The following VKORC1L1 variants were observed in gnomAD, a reference collection of about 807,000 sequenced individuals.
VKORC1L1 encodes vitamin K epoxide reductase complex subunit 1L1, also known as vitamin K epoxide reductase complex subunit 1-like protein 1.
VKORC1L1 carries 2 observed loss-of-function variants against 18.9 expected under a neutral mutation model. That is an observed-to-expected ratio of 0.11 (90% CI 0.04 to 0.33). The LOEUF is 0.33. Among genes scored for constraint, VKORC1L1 ranks in the 10% least tolerant of loss-of-function variants. VKORC1L1 has a pLI of 1.00. For missense variants in VKORC1L1, 123 were observed against 224.1 expected (o/e 0.55, Z 2.88); for synonymous variants, 96 against 100.0 (o/e 0.96, Z 0.24).
chr7:65,866,131 T>C, the VKORC1L1 span, among the ~76,000 whole-genome samples: 3 of 152,186 alleles, frequency 2.0e-5, no homozygotes, highest in African/African-American at 7.2e-5. Context: ...AAATTATTCC[T>C]GGGCTCCGTA....
intron 1 of VKORC1L1, among the ~76,000 whole-genome samples, chr7:65,944,927 A>C (rs1158561594): frequency 6.6e-6 from 1 of 152,062 alleles, no homozygotes; most frequent in Non-Finnish European, 1.5e-5. Flanking sequence ...AAAAAAAAAA[A>C]AAAAGCAACA....
intron 1 of VKORC1L1, among the ~76,000 whole-genome samples, chr7:65,930,545 T>C (rs903647425): frequency 6.6e-6 from 1 of 152,244 alleles, no homozygotes; most frequent in African/African-American, 2.4e-5. Flanking sequence ...GGTTGTAGTT[T>C]GGCTTCCTTG....
chr7:65,884,934 T>G (rs1363642400), intron 1 of VKORC1L1, among the ~76,000 whole-genome samples: 1 of 152,218 alleles, frequency 6.6e-6, no homozygotes, highest in Non-Finnish European at 1.5e-5. Flanking sequence ...TGGATAAATT[T>G]TAGAATTTTT....
chr7:65,903,948 A>G (rs1412564583), intron 1 of VKORC1L1, among the ~76,000 whole-genome samples: 1 of 152,092 alleles, frequency 6.6e-6, no homozygotes, highest in Non-Finnish European at 1.5e-5. Context: ...TTTTTTTTCC[A>G]TTTTATTCTC....
chr7:65,938,284 A>G (rs182872205), intron 1 of VKORC1L1, among the ~76,000 whole-genome samples: 1 of 152,246 alleles, frequency 6.6e-6, no homozygotes. Flanking sequence ...AAGAGAGAAC[A>G]CATAAAATTA....
At chr7:65,913,016 G>A (rs1485586526) in intron 1 of VKORC1L1, among the ~76,000 whole-genome samples, 3 of 152,084 alleles carry the variant, frequency 2.0e-5, no homozygotes, top group Non-Finnish European at 4.4e-5. Flanking sequence ...ATCTGTCTGC[G>A]TTACTGGCAA....
intron 1 of VKORC1L1, among the ~76,000 whole-genome samples, chr7:65,929,682 G>GTATA (rs34648135): frequency 0.13 from 16,832 of 128,478 alleles, 1,336 homozygotes; most frequent in African/African-American, 0.2. Flanking sequence ...GTGTGTGTGT[G>GTATA]TATATATATA....
chr7:65,928,277 G>C (rs1441515635), intron 1 of VKORC1L1, among the ~76,000 whole-genome samples: 1 of 108,086 alleles, frequency 9.3e-6, no homozygotes, highest in African/African-American at 3.5e-5. Context: ...TTTTTTTTCA[G>C]ATGGGGTCTC....
intron 1 of VKORC1L1, among the ~76,000 whole-genome samples, chr7:65,947,157 A>T (rs1240224096): frequency 6.6e-6 from 1 of 151,936 alleles, no homozygotes; most frequent in Non-Finnish European, 1.5e-5. Context: ...ACAAAACAAA[A>T]CAAACAAAAA....
chr7:65,913,658 T>C (rs1410055701), intron 1 of VKORC1L1, among the ~76,000 whole-genome samples: 1 of 140,432 alleles, frequency 7.1e-6, no homozygotes, highest in East Asian at 2.1e-4. Context: ...CCTGGGAGGT[T>C]GGAGGTTGTG....
At chr7:65,922,400 C>A (rs1789692196) in intron 1 of VKORC1L1, among the ~76,000 whole-genome samples, 1 of 152,128 alleles carries the variant, frequency 6.6e-6, no homozygotes, top group Admixed American at 6.5e-5. Context: ...CCTGCCTCAG[C>A]CTCCCGAGTA....
At chr7:65,872,400 C>T (rs969764240), upstream of VKORC1L1, among the ~76,000 whole-genome samples, 1 of 152,086 alleles carries the variant, frequency 6.6e-6, no homozygotes, top group African/African-American at 2.4e-5. Context: ...GCAACCTCCA[C>T]CTCCCGGGTT....
intron 1 of VKORC1L1, among the ~76,000 whole-genome samples, chr7:65,881,232 C>G (rs577142872): frequency 6.6e-6 from 1 of 152,172 alleles, no homozygotes; most frequent in South Asian, 2.1e-4. Flanking sequence ...GGATTTCATA[C>G]ACCTTTGATT....
chr7:65,875,918 T>C (rs1339174616), intron 1 of VKORC1L1, among the ~76,000 whole-genome samples: 2 of 152,174 alleles, frequency 1.3e-5, no homozygotes, highest in Admixed American at 1.3e-4. Flanking sequence ...TTTGGATTGC[T>C]CAAACTCACT....
rs555089455 is a variant in VKORC1L1, at chr7:65,951,703, A to G, written c.305-2371A>G. Among the ~76,000 whole-genome samples the G allele has an allele frequency of 2.8e-4, 42 of 152,124 alleles. No homozygotes were observed. In the East Asian group the frequency reaches 7.7e-3, roughly 28 times the overall value. ...ACTGGTAGCTTGTTATTGTCTCTTT[A>G]TGCATATACGAGAAAGTACAAATAC... On this transcript the variant is annotated intron_variant, in intron 2 of 2. Transcript: ENST00000360768.
At chr7:65,895,467 AAAAAAAAAAAAAAATATAT>A (rs1288520734) in intron 1 of VKORC1L1, among the ~76,000 whole-genome samples, 4 of 51,658 alleles carry the variant, frequency 7.7e-5, no homozygotes, top group African/African-American at 3.4e-4. Flanking sequence ...AAAAAAAAAA[AAAAAAAAAAAAAAATATAT>A]ATATATATAT....
chr7:65,896,152 C>T lies in VKORC1L1; in HGVS notation c.194+22587C>T, dbSNP rs186072355. 8.2e-3 allele frequency among the ~76,000 whole-genome samples: 1,238 copies of T among 151,600 alleles called. 23 individuals carry two copies. Among genetic ancestry groups the T allele is most frequent in the Non-Finnish European group, 7.0e-3 (474 of 67,928 alleles). On this transcript the variant is annotated intron_variant, in intron 1 of 2. Coordinates refer to ENST00000360768, the MANE Select transcript of VKORC1L1 (RefSeq NM_173517.6). ...CTCCTGACCTCAAGTGATTCACTCGCCTCAGCCTCCCAAAGTGCTAGGATT... is the reference window on the plus strand; with the variant it reads ...CTCCTGACCTCAAGTGATTCACTCGTCTCAGCCTCCCAAAGTGCTAGGATT...
intron 1 of VKORC1L1, among the ~76,000 whole-genome samples, chr7:65,922,845 C>T (rs1489926249): frequency 6.6e-6 from 1 of 152,078 alleles, no homozygotes; most frequent in Non-Finnish European, 1.5e-5. Context: ...AATTTTCTTT[C>T]GTTTTCAGAA....
Position 65,954,710 on chromosome 7 carries a change from T to C in VKORC1L1, c.*410T>C. The C allele has an allele frequency of 5.0e-6, 1 of 200,136 alleles. No homozygotes were observed. Among genetic ancestry groups the C allele is most frequent in the Non-Finnish European group, 1.0e-5 (1 of 99,262 alleles). The allele number at this position is 200,136 out of a possible 1,614,324, so 12.4% of individuals were successfully genotyped here. A position where few individuals can be genotyped will look rare whatever the true frequency, so the allele number is the denominator to read the frequency against. Reference sequence around the variant, plus strand: ...TCTAGAATAGATACTGTATTAAATATTGCCATGTTTACAATATGTAATATG... The same window carrying C: ...TCTAGAATAGATACTGTATTAAATACTGCCATGTTTACAATATGTAATATG... On this transcript the variant is annotated 3_prime_UTR_variant, in exon 3 of 3. Coordinates refer to ENST00000360768, the MANE Select transcript of VKORC1L1 (RefSeq NM_173517.6).
Sources: gnomAD v4.1 joint callset for allele counts (sites outside exome capture counted in the v4.1 genomes callset) on GRCh38, gnomAD v4.1.1 for gene constraint, MANE v1.5 for transcripts, NCBI Gene and HGNC (gene_info 2026-07-23, HGNC 2026-07-21) for gene names.